DUS4L: variants seen among roughly 807,000 people sequenced by gnomAD.
DUS4L encodes tRNA-dihydrouridine(20a/20b) synthase [NAD(P)+]-like.
A neutral mutation model predicts 33.8 loss-of-function variants in DUS4L; 31 were observed. The observed-to-expected ratio is 0.92, with a 90% CI of 0.69 to 1.24. The LOEUF (loss-of-function observed/expected upper bound fraction) is 1.24, where lower values mean the gene tolerates loss of function less well. DUS4L is among the 50% of genes most tolerant of loss of function. The pLI is 0.00. For synonymous variants in DUS4L, 103 were observed against 120.3 expected (o/e 0.86, Z 0.94); for missense variants, 368 against 388.6 (o/e 0.95, Z 0.45).
intron 4 of DUS4L, among the ~76,000 whole-genome samples, chr7:107,572,943 T>A (rs1213934175): frequency 6.6e-6 from 1 of 151,994 alleles, no homozygotes; most frequent in Non-Finnish European, 1.5e-5. Context: ...ATAGCAATAC[T>A]AATTTCTTTG....
In DUS4L at chr7:107,578,266, A is replaced by C. The variant is rs879302881; in HGVS notation, c.*706A>C. 1.3e-5 allele frequency: 2 copies of C among 152,214 alleles called. No homozygotes were observed. Among genetic ancestry groups the C allele is most frequent in the South Asian group, 4.1e-4 (2 of 4,830 alleles). 9.4% of individuals were successfully genotyped at this position (152,214 alleles called of 1,614,324 possible). A position where few individuals can be genotyped will look rare whatever the true frequency, so the allele number is the denominator to read the frequency against. On this transcript the variant is annotated 3_prime_UTR_variant, in exon 8 of 8. Transcript: ENST00000265720. ...AGAATAGTAACCAGGTTTTGTTTTT[A>C]ACTTTAAAACCTAATTACTTTTGTG...
chr7:107,565,823 A>G (rs897328404), intron 2 of DUS4L, among the ~76,000 whole-genome samples: 21 of 152,228 alleles, frequency 1.4e-4, no homozygotes, highest in African/African-American at 4.6e-4. Flanking sequence ...AGTCCCCTGA[A>G]ACCTACTGAT....
At position 107,563,979 on chromosome 7, in the gene DUS4L, ACC is replaced by A. The variant is rs1049832940; in HGVS notation, c.-339_-338del. On this transcript the variant is annotated 5_prime_UTR_variant, in exon 1 of 8. Coordinates refer to ENST00000265720, the MANE Select transcript of DUS4L (RefSeq NM_181581.3). Reference sequence around the variant, plus strand: ...CGCAGAATCCCGGCGCCGCCCGCCCACCCAGCCCATGGCTCCAGGCCCACCTG... The same window carrying A: ...CGCAGAATCCCGGCGCCGCCCGCCCACAGCCCATGGCTCCAGGCCCACCTG... The A allele has an allele frequency of 2.1e-5, 14 of 667,022 alleles. No homozygotes were observed. The Admixed American group carries it at 2.6e-4, about 12-fold the overall frequency. The allele number at this position is 667,022 out of a possible 1,614,324, so 41.3% of individuals were successfully genotyped here. A position where few individuals can be genotyped will look rare whatever the true frequency, so the allele number is the denominator to read the frequency against.
Position 107,575,280 on chromosome 7 carries a change from C to A in DUS4L, c.449C>A (p.Thr150Asn), listed in dbSNP as rs749445947. 3.7e-6 allele frequency: 6 copies of A among 1,611,506 alleles called. No homozygotes were observed. The South Asian group carries it at 4.4e-5, about 12-fold the overall frequency. ...MVKQVRNQVE[T>N]PGFSVSIKIR... ...AAACAAGTAAGAAATCAAGTGGAAA[C>A]CCCTGGATTTTCAGTTTCTATTAAA... is the stretch of plus-strand genomic sequence containing the variant. The change falls in exon 6 of 8, where the codon ACC becomes AAC. Residue 150 changes from threonine to asparagine, a missense_variant. By Grantham distance (65) the Thr-to-Asn change is moderately conservative (BLOSUM62 0). Coordinates refer to ENST00000265720, the MANE Select transcript of DUS4L (RefSeq NM_181581.3).
chr7:107,566,070 T>G (rs964238844), intron 2 of DUS4L, among the ~76,000 whole-genome samples: 1 of 152,216 alleles, frequency 6.6e-6, no homozygotes, highest in African/African-American at 2.4e-5. Flanking sequence ...AAAGTTCATC[T>G]TCAGTCTCTT....
At chr7:107,575,496 A>G in intron 6 of DUS4L, 186 bp downstream of exon 6, 1 of 549,244 alleles carries the variant, frequency 1.8e-6, no homozygotes, top group Non-Finnish European at 2.8e-6. Context: ...TAGTCCTGAA[A>G]AACTTCCTCT....
Position 107,567,176 on chromosome 7 carries a change from C to G in DUS4L, c.106C>G (p.Arg36Gly). The change falls in exon 3 of 8, where the codon CGA becomes GGA. Residue 36 changes from arginine (R) to glycine (G), a missense_variant. Physicochemically the swap from Arg to Gly is moderately radical, Grantham distance 125. Coordinates refer to ENST00000265720, the MANE Select transcript of DUS4L (RefSeq NM_181581.3). ...QLVKVCAPMV[R>G]YSKLAFRTLV... ...GGTAAAAGTCTGTGCCCCAATGGTT[C>G]GATATTCAAAGTAAGTGTTGCAAAA... 1 of 1,611,562 alleles carries G rather than the reference C, an allele frequency of 6.2e-7. No homozygotes were observed. The highest frequency in any genetic ancestry group is 8.5e-7 in the Non-Finnish European group (1 of 1,178,724).
intron 3 of DUS4L, 37 bp downstream of exon 3, chr7:107,567,223 AT>A (rs761650189): frequency 6.3e-7 from 1 of 1,583,132 alleles, no homozygotes; most frequent in Non-Finnish European, 8.7e-7. Flanking sequence ...CTAAGATGAA[AT>A]TTCCCTTTTA....
chr7:107,566,956 T>TA (rs1483816142), intron 2 of DUS4L, 94 bp from the exon 3 acceptor site: 42 of 897,472 alleles, frequency 4.7e-5, no homozygotes, highest in Non-Finnish European at 6.7e-5. Flanking sequence ...ACAAGCCTGA[T>TA]AAAAAATATA....
intron 7 of DUS4L, 62 bp from the exon 8 acceptor site, chr7:107,577,251 G>A: frequency 1.3e-6 from 2 of 1,592,410 alleles, no homozygotes; most frequent in Non-Finnish European, 1.7e-6. Context: ...GCTTCATTGA[G>A]CTTGAACTAA....
Position 107,567,171 on chromosome 7 carries a change from T to C in DUS4L, c.101T>C (p.Met34Thr). Residue 34 changes from methionine (M) to threonine (T), a missense_variant, in exon 3 of 8, where the codon ATG becomes ACG. Met to Thr is a moderately conservative substitution (Grantham distance 81). Coordinates refer to ENST00000265720, the MANE Select transcript of DUS4L (RefSeq NM_181581.3). ...SGQLVKVCAP[M>T]VRYSKLAFRT... Reference sequence around the variant, plus strand: ...CAGCTGGTAAAAGTCTGTGCCCCAATGGTTCGATATTCAAAGTAAGTGTTG... The same window carrying C: ...CAGCTGGTAAAAGTCTGTGCCCCAACGGTTCGATATTCAAAGTAAGTGTTG... 3 of 1,612,546 alleles carry C rather than the reference T, an allele frequency of 1.9e-6. No homozygotes were observed. Among genetic ancestry groups the C allele is most frequent in the Non-Finnish European group, 1.7e-6 (2 of 1,179,212 alleles).
At position 107,576,475 on chromosome 7, in the gene DUS4L, G is replaced by C; in HGVS notation, c.589G>C (p.Val197Leu). Residue 197 changes from valine (V) to leucine (L), a missense_variant, in exon 7 of 8, where the codon GTG (valine) becomes CTG (leucine). Val to Leu is a conservative substitution (Grantham distance 32). Transcript: ENST00000265720. Reference sequence around the variant, plus strand: ...AACTGCTGAAGAAAGACATCAGCCAGTGCACTATGATTCCATTAAAATAAT... The same window carrying C: ...AACTGCTGAAGAAAGACATCAGCCACTGCACTATGATTCCATTAAAATAAT... Reference protein sequence around the residue: ...GRTAEERHQPVHYDSIKIIKE... With the variant: ...GRTAEERHQPLHYDSIKIIKE... 1.2e-6 allele frequency: 2 copies of C among 1,612,380 alleles called. No homozygotes were observed. The highest frequency in any genetic ancestry group is 1.7e-6 in the Non-Finnish European group (2 of 1,179,632).
Position 107,578,302 on chromosome 7 carries a change from G to A in DUS4L, c.*742G>A, listed in dbSNP as rs1206452959. The A allele has an allele frequency of 2.0e-5, 3 of 151,982 alleles. No homozygotes were observed. Among genetic ancestry groups the A allele is most frequent in the Non-Finnish European group, 4.4e-5 (3 of 68,012 alleles). The allele number at this position is 151,982 out of a possible 1,614,324, so 9.4% of individuals were successfully genotyped here. ...CTAATTACTTTTGTGCCTCTCAGCC[G>A]TTGATTGTAACTTTAAAGTCCCATG... is the stretch of plus-strand genomic sequence containing the variant. On this transcript the variant is annotated 3_prime_UTR_variant, in exon 8 of 8. Transcript: ENST00000265720.
intron 7 of DUS4L, chr7:107,576,842 T>C: frequency 2.6e-6 from 1 of 385,820 alleles, no homozygotes; most frequent in Non-Finnish European, 4.6e-6. Context: ...AGTGAAGAAT[T>C]TTCCAGATAG....
At chr7:107,572,165 G>A (rs556146863) in intron 4 of DUS4L, among the ~76,000 whole-genome samples, 1 of 152,102 alleles carries the variant, frequency 6.6e-6, no homozygotes, top group Non-Finnish European at 1.5e-5. Flanking sequence ...CTTGAGGGCT[G>A]TAGCTTTAGA....
At chr7:107,568,983 T>A (rs1216630816) in intron 3 of DUS4L, among the ~76,000 whole-genome samples, 1 of 152,208 alleles carries the variant, frequency 6.6e-6, no homozygotes, top group Admixed American at 6.5e-5. Flanking sequence ...GGTGGGCAGA[T>A]CATTTGAGGT....
At chr7:107,573,056 T>G (rs891340851) in intron 4 of DUS4L, among the ~76,000 whole-genome samples, 1 of 152,192 alleles carries the variant, frequency 6.6e-6, no homozygotes, top group Non-Finnish European at 1.5e-5. Flanking sequence ...AATATTCAAA[T>G]GTTGGATATA....
rs1290971679 is a variant in DUS4L, at chr7:107,564,688, T to C, written c.-22+12T>C. 1.3e-5 allele frequency: 2 copies of C among 152,234 alleles called. No homozygotes were observed. Among genetic ancestry groups the C allele is most frequent in the African/African-American group, 4.8e-5 (2 of 41,448 alleles). 9.4% of individuals were successfully genotyped at this position (152,234 alleles called of 1,614,324 possible). ...TGTAAGAGCATCAGGTTGGTTCCCA[T>C]TGTATCTTCTTTACTAATACGTTCG... On this transcript the variant is annotated intron_variant, in intron 2 of 7. Coordinates refer to ENST00000265720, the MANE Select transcript of DUS4L (RefSeq NM_181581.3).
In DUS4L at chr7:107,567,133, G is replaced by A. The variant is rs962024903; in HGVS notation, c.63G>A (p.Met21Ile). 6.2e-7 allele frequency: 1 copy of A among 1,613,472 alleles called. No individual in the cohort carries two copies. Among genetic ancestry groups the A allele is most frequent in the Non-Finnish European group, 8.5e-7 (1 of 1,179,726 alleles). Residue 21 changes from methionine to isoleucine, a missense_variant, in exon 3 of 8, where the codon ATG becomes ATA. By Grantham distance (10) the Met-to-Ile change is conservative (BLOSUM62 1). Coordinates refer to ENST00000265720, the MANE Select transcript of DUS4L (RefSeq NM_181581.3). ...CQERKKDPIE[M>I]FHSGQLVKVC... ...AAAGAAAAAAAGATCCCATAGAAATGTTTCATTCTGGACAGCTGGTAAAAG... is the reference window on the plus strand; with the variant it reads ...AAAGAAAAAAAGATCCCATAGAAATATTTCATTCTGGACAGCTGGTAAAAG...
Sources: gnomAD v4.1 joint callset for allele counts (sites outside exome capture counted in the v4.1 genomes callset) on GRCh38, gnomAD v4.1.1 for gene constraint, MANE v1.5 for transcripts, NCBI Gene and HGNC (gene_info 2026-07-23, HGNC 2026-07-21) for gene names.